The following FOXP1 variants were observed in gnomAD, a reference collection of about 807,000 sequenced individuals.
The protein encoded by FOXP1 is forkhead box protein P1.
In FOXP1, 15 loss-of-function variants were observed where a neutral mutation model predicts 98.2. That is an observed-to-expected ratio of 0.15 (90% CI 0.10 to 0.24). The LOEUF (loss-of-function observed/expected upper bound fraction) is 0.24. Among genes scored for constraint, FOXP1 ranks in the 10% least tolerant of loss-of-function variants. The pLI is 1.00. For synonymous variants in FOXP1, 371 were observed against 314.5 expected (o/e 1.18, Z -1.90); for missense variants, 633 against 848.5 (o/e 0.75, Z 3.15).
At chr3:71,228,164 A>G (rs2065988049) in intron 5 of FOXP1, among the ~76,000 whole-genome samples, 2 of 152,222 alleles carry the variant, frequency 1.3e-5, no homozygotes, top group African/African-American at 2.4e-5. Context: ...AATCCAACAC[A>G]TCACGGAAAG....
At chr3:71,247,789 G>C (rs562689798) in intron 5 of FOXP1, among the ~76,000 whole-genome samples, 2 of 152,254 alleles carry the variant, frequency 1.3e-5, no homozygotes, top group Non-Finnish European at 2.9e-5. Flanking sequence ...CCAGAGGGTG[G>C]AGCCATAACC....
chr3:71,354,856 C>T (rs2078046179), intron 4 of FOXP1, among the ~76,000 whole-genome samples: 1 of 152,124 alleles, frequency 6.6e-6, no homozygotes, highest in African/African-American at 2.4e-5. Context: ...ATTACCCCTG[C>T]CCCAGGCAAG....
intron 7 of FOXP1, among the ~76,000 whole-genome samples, chr3:71,087,374 C>T (rs539191478): frequency 9.9e-5 from 15 of 152,284 alleles, no homozygotes; most frequent in Non-Finnish European, 1.5e-4. Context: ...AACAAAATAC[C>T]GGTTTTGTCT....
chr3:71,298,270 G>C (rs564139640), intron 5 of FOXP1, among the ~76,000 whole-genome samples: 84 of 152,132 alleles, frequency 5.5e-4, no homozygotes, highest in African/African-American at 2.0e-3. Flanking sequence ...TTTGAGACCA[G>C]CCTGACCAAC....
At chr3:71,392,946 A>G (rs918729349) in intron 3 of FOXP1, among the ~76,000 whole-genome samples, 5 of 152,222 alleles carry the variant, frequency 3.3e-5, no homozygotes, top group Admixed American at 6.5e-5. Context: ...TCCAAACTGA[A>G]ATGACTCTTT....
intron 4 of FOXP1, among the ~76,000 whole-genome samples, chr3:71,340,067 G>C (rs1014737622): frequency 6.6e-6 from 1 of 152,182 alleles, no homozygotes; most frequent in African/African-American, 2.4e-5. Flanking sequence ...CTTTAAGTGA[G>C]GAAGTATCTT....
chr3:71,209,903 T>A (rs1469522676), intron 5 of FOXP1, among the ~76,000 whole-genome samples: 1 of 152,202 alleles, frequency 6.6e-6, no homozygotes, highest in African/African-American at 2.4e-5. Context: ...CAAAACATAC[T>A]GAAAAACAGT....
chr3:71,265,332 G>A (rs956170507), intron 5 of FOXP1, among the ~76,000 whole-genome samples: 5 of 152,152 alleles, frequency 3.3e-5, no homozygotes, highest in African/African-American at 1.2e-4. Flanking sequence ...GAAAAGAGAA[G>A]GGATCATTTT....
intron 2 of FOXP1, among the ~76,000 whole-genome samples, chr3:71,566,911 A>G (rs551955791): frequency 5.1e-4 from 78 of 152,028 alleles, no homozygotes; most frequent in African/African-American, 1.7e-3. Flanking sequence ...TGAAACACAC[A>G]CACACCCATC....
At chr3:71,012,730 G>C (rs954071458) in intron 12 of FOXP1, among the ~76,000 whole-genome samples, 2 of 151,520 alleles carry the variant, frequency 1.3e-5, no homozygotes, top group African/African-American at 4.9e-5. Flanking sequence ...ACAATATAAA[G>C]ACCACACAAA....
At chr3:71,288,032 C>T (rs1050060755) in intron 5 of FOXP1, among the ~76,000 whole-genome samples, 1 of 151,946 alleles carries the variant, frequency 6.6e-6, no homozygotes, top group African/African-American at 2.4e-5. Flanking sequence ...AGGCATGCGC[C>T]ACCACGCCCG....
intron 7 of FOXP1, among the ~76,000 whole-genome samples, chr3:71,091,744 AAATAT>A (rs2055869343): frequency 6.6e-6 from 1 of 152,234 alleles, no homozygotes. Flanking sequence ...GTCTAAAATA[AAATAT>A]AATTCTCAAT....
chr3:71,326,852 G>A (rs550116749), intron 4 of FOXP1, among the ~76,000 whole-genome samples: 1 of 152,182 alleles, frequency 6.6e-6, no homozygotes, highest in South Asian at 2.1e-4. Context: ...AACTCCGGAT[G>A]AACTGGTTTA....
Position 71,137,783 on chromosome 3 carries a change from T to TATTC in FOXP1, c.181-25147_181-25146insGAAT, listed in dbSNP as rs1189692198. 8.4e-5 allele frequency among the ~76,000 whole-genome samples: 3 copies of TATTC among 35,644 alleles called. No homozygotes were observed. In the Non-Finnish European group the frequency reaches 1.0e-3, roughly 12 times the overall value. The allele number at this position is 35,644 out of a possible 152,430, so 23.4% of individuals were successfully genotyped here. On this transcript the variant is annotated intron_variant, in intron 6 of 20. Coordinates refer to ENST00000649528, the MANE Select transcript of FOXP1 (RefSeq NM_001349338.3). Reference sequence around the variant, plus strand: ...AATCCAAAAGATAATTCTATTTATTTATTTATTTATTATTATTTTTTTTTT... The same window carrying TATTC: ...AATCCAAAAGATAATTCTATTTATTTATTCATTTATTTATTATTATTTTTTTTTT...
intron 3 of FOXP1, among the ~76,000 whole-genome samples, chr3:71,459,676 C>T (rs2087834995): frequency 6.6e-6 from 1 of 152,106 alleles, no homozygotes; most frequent in African/African-American, 2.4e-5. Flanking sequence ...ATTATTTTAG[C>T]CTCCAAATTC....
chr3:71,197,474 C>G (rs1383950704), intron 6 of FOXP1, among the ~76,000 whole-genome samples: 1 of 152,100 alleles, frequency 6.6e-6, no homozygotes, highest in Admixed American at 6.5e-5. Flanking sequence ...AAATATTTTA[C>G]CAGTCACTCA....
At chr3:71,326,625 A>T (rs1464555245) in intron 4 of FOXP1, among the ~76,000 whole-genome samples, 1 of 152,246 alleles carries the variant, frequency 6.6e-6, no homozygotes, top group Non-Finnish European at 1.5e-5. Flanking sequence ...TTCAGTTTAC[A>T]TAAGCAGAAT....
intron 14 of FOXP1, among the ~76,000 whole-genome samples, chr3:70,985,688 C>CT (rs1012441538): frequency 3.1e-4 from 46 of 146,846 alleles, no homozygotes; most frequent in South Asian, 1.1e-3. Flanking sequence ...CAAATGTGAT[C>CT]TTTTTTTTTT....
At chr3:71,509,818 T>C (rs2042073088) in intron 2 of FOXP1, among the ~76,000 whole-genome samples, 2 of 152,138 alleles carry the variant, frequency 1.3e-5, no homozygotes, top group South Asian at 2.1e-4. Context: ...GAGTTTCAGA[T>C]TGCAATGAGC....
Sources: allele counts gnomAD v4.1 joint callset (sites outside exome capture counted in the v4.1 genomes callset), GRCh38; gene constraint gnomAD v4.1.1; transcripts MANE v1.5; gene names NCBI Gene and HGNC (gene_info 2026-07-23, HGNC 2026-07-21).